Variants in NFIB observed in about 807,000 individuals in gnomAD.
NFIB encodes the protein nuclear factor 1 B-type.
NFIB carries 11 observed loss-of-function variants against 61.5 expected under a neutral mutation model. The ratio of observed to expected loss-of-function variants is 0.18; its 90% CI spans 0.11 to 0.30. The LOEUF (loss-of-function observed/expected upper bound fraction) is 0.30. NFIB is among the 10% of genes least tolerant of loss of function. The probability of loss-of-function intolerance (pLI) is 1.00; values close to 1 mark genes in which losing one functional copy is unlikely to be tolerated. For synonymous variants in NFIB, 260 were observed against 216.5 expected (o/e 1.20, Z -1.76); for missense variants, 471 against 608.9 (o/e 0.77, Z 2.38).
At chr9:14,091,299 A>G (rs766893997) in intron 10 of NFIB, among the ~76,000 whole-genome samples, 8 of 152,012 alleles carry the variant, frequency 5.3e-5, no homozygotes, top group Non-Finnish European at 1.2e-4. Flanking sequence ...TGAGATAACA[A>G]TGTAAATAAA....
the NFIB span, among the ~76,000 whole-genome samples, chr9:14,519,499 G>C: frequency 6.6e-6 from 1 of 152,120 alleles, no homozygotes. Context: ...TCTCCTAGTA[G>C]TAGTTTCTGT....
intron 1 of NFIB, among the ~76,000 whole-genome samples, chr9:14,366,697 G>A (rs1233368471): frequency 2.0e-5 from 3 of 152,080 alleles, no homozygotes; most frequent in East Asian, 1.9e-4. Flanking sequence ...TGTTGGCCAG[G>A]CTGGTCTCGA....
the NFIB span, among the ~76,000 whole-genome samples, chr9:14,492,073 A>G: frequency 6.6e-6 from 1 of 152,204 alleles, no homozygotes; most frequent in Non-Finnish European, 1.5e-5. Flanking sequence ...TAATTTAAAA[A>G]GAAAAGAGAG....
rs759188731 is a variant in NFIB, at chr9:14,125,771, G to A, written c.926-5C>T. ...TAGTAGTCGGAGAAGACATATCTGC[G>A]AGAAACAGAGAAAAACCCAAAGCTC... On this transcript the variant is annotated splice_region_variant and splice_polypyrimidine_tract_variant and intron_variant, in intron 6 of 10. Coordinates refer to ENST00000380953, the MANE Select transcript of NFIB (RefSeq NM_001190737.2). 2.3e-5 allele frequency: 37 copies of A among 1,612,966 alleles called. No homozygotes were observed. Among genetic ancestry groups the A allele is most frequent in the African/African-American group, 5.3e-5 (4 of 74,816 alleles).
intron 1 of NFIB, among the ~76,000 whole-genome samples, chr9:14,394,936 T>A (rs1482166718): frequency 3.3e-5 from 5 of 152,142 alleles, no homozygotes; most frequent in Non-Finnish European, 7.3e-5. Context: ...TGAATTGCAA[T>A]TATTATTATT....
chr9:14,516,487 T>A, the NFIB span, among the ~76,000 whole-genome samples: 2 of 152,196 alleles, frequency 1.3e-5, no homozygotes, highest in African/African-American at 2.4e-5. Flanking sequence ...AAAGGCTTGG[T>A]TCTTTCTGAA....
intron 2 of NFIB, among the ~76,000 whole-genome samples, chr9:14,199,479 C>A (rs1162777483): frequency 6.6e-6 from 1 of 152,184 alleles, no homozygotes; most frequent in Non-Finnish European, 1.5e-5. Context: ...ACAGGATCCT[C>A]CTTTACTTTC....
chr9:14,276,249 T>C (rs2057989223), intron 2 of NFIB, among the ~76,000 whole-genome samples: 2 of 152,296 alleles, frequency 1.3e-5, no homozygotes, highest in Admixed American at 1.3e-4. Context: ...ATCTAGACTA[T>C]CTGTTGGGGT....
chr9:14,188,343 T>C (rs1018169309), intron 2 of NFIB, among the ~76,000 whole-genome samples: 1 of 152,106 alleles, frequency 6.6e-6, no homozygotes, highest in Admixed American at 6.6e-5. Flanking sequence ...GGCAAAGCAA[T>C]CTGGCATACT....
chr9:14,472,670 T>A, the NFIB span, among the ~76,000 whole-genome samples: 1 of 151,966 alleles, frequency 6.6e-6, no homozygotes, highest in African/African-American at 2.4e-5. Context: ...TGAAACCCCA[T>A]CTCTACTAAA....
chr9:14,391,061 CA>C (rs1230584679), intron 1 of NFIB, among the ~76,000 whole-genome samples: 4 of 152,176 alleles, frequency 2.6e-5, no homozygotes, highest in Non-Finnish European at 1.5e-5. Context: ...ACTTTCCCCT[CA>C]AAAAGGTGGA....
intron 2 of NFIB, among the ~76,000 whole-genome samples, chr9:14,253,969 A>G (rs1310384695): frequency 6.6e-6 from 1 of 152,162 alleles, no homozygotes. Context: ...ATGCCTCCCC[A>G]GCACTTGACA....
chr9:14,273,771 A>G (rs1725242507), intron 2 of NFIB, among the ~76,000 whole-genome samples: 1 of 151,370 alleles, frequency 6.6e-6, no homozygotes, highest in African/African-American at 2.5e-5. Flanking sequence ...CTCCACCCCT[A>G]CTTCCTTCCC....
At chr9:14,112,499 T>C (rs537627049) in intron 10 of NFIB, among the ~76,000 whole-genome samples, 2 of 152,312 alleles carry the variant, frequency 1.3e-5, no homozygotes, top group African/African-American at 4.8e-5. Context: ...AGTAAACCAA[T>C]TTAAAGCTAT....
intron 6 of NFIB, among the ~76,000 whole-genome samples, chr9:14,142,926 G>C (rs938144098): frequency 6.6e-6 from 1 of 152,088 alleles, no homozygotes; most frequent in Admixed American, 6.6e-5. Flanking sequence ...CCCTTTGCTA[G>C]TGACTCAGTA....
At chr9:14,410,451 C>G in the NFIB span, among the ~76,000 whole-genome samples, 108,929 of 152,028 alleles carry the variant, frequency 0.72, 39,364 homozygotes, top group Admixed American at 0.79. Context: ...GAGTAAACTA[C>G]TATGCATAAG....
chr9:14,090,718 C>T (rs1325946015), intron 10 of NFIB, among the ~76,000 whole-genome samples: 2 of 152,052 alleles, frequency 1.3e-5, no homozygotes, highest in African/African-American at 4.8e-5. Flanking sequence ...ACAATGTCAA[C>T]AAGCAGCAAA....
the NFIB span, among the ~76,000 whole-genome samples, chr9:14,525,713 T>A: frequency 8.5e-5 from 13 of 152,264 alleles, no homozygotes; most frequent in Middle Eastern, 6.8e-3. Flanking sequence ...CAATTTGAAA[T>A]GGAAAATCCT....
the NFIB span, among the ~76,000 whole-genome samples, chr9:14,457,487 G>T: frequency 2.6e-4 from 39 of 151,900 alleles, no homozygotes; most frequent in East Asian, 7.4e-3. Context: ...TCAAAAGCTA[G>T]CAGAAGGCAA....
Sources: gnomAD v4.1 joint callset for allele counts (sites outside exome capture counted in the v4.1 genomes callset) on GRCh38, gnomAD v4.1.1 for gene constraint, MANE v1.5 for transcripts, NCBI Gene and HGNC (gene_info 2026-07-23, HGNC 2026-07-21) for gene names.